Variants in KSR1 observed in about 807,000 individuals in gnomAD.
KSR1 encodes kinase suppressor of ras 1.
KSR1 carries 35 observed loss-of-function variants against 92.9 expected under a neutral mutation model. The ratio of observed to expected loss-of-function variants is 0.38; its 90% CI spans 0.29 to 0.50. KSR1 has a LOEUF of 0.50. KSR1 is among the 20% of genes least tolerant of loss of function. KSR1 has a pLI of 0.94. For synonymous variants in KSR1, 467 were observed against 472.6 expected (o/e 0.99, Z 0.15); for missense variants, 972 against 1,158.5 (o/e 0.84, Z 2.34).
At chr17:27,622,441 A>G (rs2074250714) in intron 20 of KSR1, 1 of 159,982 alleles carries the variant, frequency 6.3e-6, no homozygotes, top group Non-Finnish European at 1.4e-5. Flanking sequence ...ATGATTTCAG[A>G]GCTGCCCTGA....
chr17:27,496,340 G>T (rs2068984381), intron 1 of KSR1, among the ~76,000 whole-genome samples: 1 of 152,148 alleles, frequency 6.6e-6, no homozygotes, highest in Non-Finnish European at 1.5e-5. Flanking sequence ...GCATAAGAGT[G>T]CCATAGAAAC....
intron 1 of KSR1, among the ~76,000 whole-genome samples, chr17:27,517,651 G>A (rs190327278): frequency 2.0e-5 from 3 of 152,276 alleles, no homozygotes; most frequent in East Asian, 1.9e-4. Context: ...ATTGAGTACC[G>A]CTCCTGTGTA....
At chr17:27,598,229 C>T (rs372789951) in intron 10 of KSR1, among the ~76,000 whole-genome samples, 3 of 152,294 alleles carry the variant, frequency 2.0e-5, no homozygotes, top group East Asian at 1.9e-4. Context: ...TATTACAGTT[C>T]GCAGTCCCAG....
chr17:27,474,199 G>C (rs2068271640), intron 1 of KSR1, among the ~76,000 whole-genome samples: 1 of 152,226 alleles, frequency 6.6e-6, no homozygotes, highest in Non-Finnish European at 1.5e-5. Context: ...GCCCTGTTTG[G>C]TTTAAGCAGT....
chr17:27,479,036 C>G (rs1187555494), intron 1 of KSR1, among the ~76,000 whole-genome samples: 2 of 150,288 alleles, frequency 1.3e-5, no homozygotes. Flanking sequence ...CTCCGTGCTC[C>G]TCCCTCCATC....
rs1273612259 is a variant in KSR1, at chr17:27,617,268, C to T, written c.2494-27C>T. 1.9e-6 allele frequency: 3 copies of T among 1,588,584 alleles called. No individual in the cohort carries two copies. The South Asian group carries it at 3.4e-5, about 18-fold the overall frequency. ...CCCCCTCCCTCCCAGCCAGCTCACA[C>T]ACCACTAATGGCAGCTCCATTTGCA... On this transcript the variant is annotated intron_variant, in intron 18 of 20. Coordinates refer to ENST00000644974, the MANE Select transcript of KSR1 (RefSeq NM_001394583.1).
At chr17:27,484,046 A>G (rs1217733172) in intron 1 of KSR1, among the ~76,000 whole-genome samples, 1 of 152,072 alleles carries the variant, frequency 6.6e-6, no homozygotes, top group Non-Finnish European at 1.5e-5. Flanking sequence ...TCTCTCTTGT[A>G]TCTGCAGTGC....
At chr17:27,546,514 A>ATAG (rs1430904404) in intron 1 of KSR1, among the ~76,000 whole-genome samples, 1 of 152,170 alleles carries the variant, frequency 6.6e-6, no homozygotes, top group Non-Finnish European at 1.5e-5. Flanking sequence ...CTGTAGTATG[A>ATAG]TAGTAACTCC....
At chr17:27,576,954 T>G (rs1262394097) in intron 2 of KSR1, among the ~76,000 whole-genome samples, 2 of 152,170 alleles carry the variant, frequency 1.3e-5, no homozygotes, top group Non-Finnish European at 1.5e-5. Context: ...TCTCTGAGCC[T>G]CTTTCTTCAT....
intron 3 of KSR1, among the ~76,000 whole-genome samples, chr17:27,581,215 A>G (rs1299419161): frequency 2.0e-5 from 3 of 152,054 alleles, no homozygotes; most frequent in African/African-American, 7.3e-5. Flanking sequence ...ACACACTTTT[A>G]AACTCACTCT....
At chr17:27,613,778 G>A (rs1277573231) in intron 18 of KSR1, among the ~76,000 whole-genome samples, 1 of 152,214 alleles carries the variant, frequency 6.6e-6, no homozygotes, top group Admixed American at 6.5e-5. Context: ...CAGCTCAGAT[G>A]GCAGCTGAAG....
At chr17:27,569,903 C>G (rs965405828) in intron 2 of KSR1, among the ~76,000 whole-genome samples, 12 of 152,220 alleles carry the variant, frequency 7.9e-5, no homozygotes, top group African/African-American at 2.9e-4. Flanking sequence ...ATAGGGAGAG[C>G]AAGGAGGCAG....
chr17:27,540,396 G>A (rs971116792), intron 1 of KSR1, among the ~76,000 whole-genome samples: 6 of 152,222 alleles, frequency 3.9e-5, no homozygotes, highest in African/African-American at 1.2e-4. Context: ...AGCTGTGGCC[G>A]TTCTCACCCC....
chr17:27,506,353 G>A (rs1405971547), intron 1 of KSR1, among the ~76,000 whole-genome samples: 2 of 152,178 alleles, frequency 1.3e-5, no homozygotes, highest in Non-Finnish European at 2.9e-5. Flanking sequence ...TGACTCCACT[G>A]CAATAATTAC....
At chr17:27,541,491 T>C (rs2070963342) in intron 1 of KSR1, among the ~76,000 whole-genome samples, 1 of 152,120 alleles carries the variant, frequency 6.6e-6, no homozygotes, top group Non-Finnish European at 1.5e-5. Context: ...TGGATACATT[T>C]AGAGGGTGTG....
chr17:27,578,871 C>G (rs575432018), intron 3 of KSR1: 1 of 152,186 alleles, frequency 6.6e-6, no homozygotes, highest in Non-Finnish European at 1.5e-5. Flanking sequence ...GTGGCCACAT[C>G]GTTGTAAGAG....
At chr17:27,477,022 T>G (rs1352356825) in intron 1 of KSR1, among the ~76,000 whole-genome samples, 4 of 152,194 alleles carry the variant, frequency 2.6e-5, no homozygotes, top group Non-Finnish European at 5.9e-5. Context: ...GGTGATATGC[T>G]AAATAAAGGG....
chr17:27,582,729 T>G lies in KSR1; in HGVS notation c.604T>G (p.Ser202Ala). The G allele has an allele frequency of 6.2e-7, 1 of 1,613,828 alleles. No homozygotes were observed. The highest frequency in any genetic ancestry group is 8.5e-7 in the Non-Finnish European group (1 of 1,179,838). Residue 202 changes from serine (S) to alanine (A), a missense_variant, in exon 4 of 21, where the codon TCA (serine) becomes GCA (alanine). Physicochemically the swap from Ser to Ala is moderately conservative, Grantham distance 99. Around this residue, in one of 5 missense-constraint regions of KSR1, gnomAD observed 611 missense variants for 668.0 expected, o/e 0.91. Coordinates refer to ENST00000644974, the MANE Select transcript of KSR1 (RefSeq NM_001394583.1). ...CTCAGGGCCTTCCACGGACACCCTC[T>G]CAGCAGCCAGCCTGCCCTGGCCCCC... ...SGSGPSTDTLSAASLPWPPGS... is the reference protein window; with the variant it reads ...SGSGPSTDTLAAASLPWPPGS...
intron 1 of KSR1, among the ~76,000 whole-genome samples, chr17:27,524,556 C>T (rs762824285): frequency 3.3e-5 from 5 of 152,186 alleles, no homozygotes; most frequent in Non-Finnish European, 7.3e-5. Context: ...ATAGGCAAAT[C>T]CAGCAAGTAC....
Sources: gnomAD v4.1 joint callset for allele counts (sites outside exome capture counted in the v4.1 genomes callset) on GRCh38, gnomAD v4.1.1 for gene constraint, gnomAD v4.1.1 regional missense constraint, MANE v1.5 for transcripts, NCBI Gene and HGNC (gene_info 2026-07-23, HGNC 2026-07-21) for gene names.